Variants in LINGO2 observed in about 807,000 individuals in gnomAD.
The protein encoded by LINGO2 is leucine-rich repeat and immunoglobulin-like domain-containing nogo receptor-interacting protein 2.
LINGO2 carries 14 observed loss-of-function variants against 30.6 expected under a neutral mutation model. That is an observed-to-expected ratio of 0.46 (90% CI 0.30 to 0.72). The LOEUF (loss-of-function observed/expected upper bound fraction) is 0.72. Ranked by LOEUF, LINGO2 falls within the 30% of genes least tolerant of loss-of-function variation. The pLI, the probability that LINGO2 is intolerant of heterozygous loss-of-function variation, is 0.07. For synonymous variants in LINGO2, 317 were observed against 288.5 expected (o/e 1.10, Z -1.00); for missense variants, 729 against 751.7 (o/e 0.97, Z 0.35).
rs1307249403 is a variant in LINGO2, at chr9:28,130,218, C to A, written c.-86-117813G>T. Among the ~76,000 whole-genome samples the A allele has an allele frequency of 1.3e-5, 2 of 152,196 alleles. No individual in the cohort carries two copies. Among genetic ancestry groups the A allele is most frequent in the Non-Finnish European group, 2.9e-5 (2 of 68,018 alleles). ...AGACCCTCTAAAATAGACCTTAACA[C>A]ACTTCATCAGATTTTGAAACTTGCT... On this transcript the variant is annotated intron_variant, in intron 4 of 5. Transcript: ENST00000379992. This position sits in a 1 kb window ranked among gnomAD's most constrained non-coding sequence, Gnocchi z 5.2.
the LINGO2 span, among the ~76,000 whole-genome samples, chr9:29,043,273 G>A: frequency 6.6e-6 from 1 of 151,266 alleles, no homozygotes; most frequent in Non-Finnish European, 1.5e-5. Flanking sequence ...TGCTGACATA[G>A]GAGTTAAGAA....
At chr9:28,487,197 C>G (rs542082665) in intron 1 of LINGO2, among the ~76,000 whole-genome samples, 1 of 152,226 alleles carries the variant, frequency 6.6e-6, no homozygotes, top group African/African-American at 2.4e-5. Context: ...ATCCTCTGTA[C>G]CTTTCCAATA....
chr9:28,253,206 T>C (rs1290513663), intron 4 of LINGO2, among the ~76,000 whole-genome samples: 1 of 152,176 alleles, frequency 6.6e-6, no homozygotes, highest in African/African-American at 2.4e-5. Context: ...GAAACACATT[T>C]CTTTTATTAG....
At chr9:28,709,926 T>C in the LINGO2 span, among the ~76,000 whole-genome samples, 1 of 151,936 alleles carries the variant, frequency 6.6e-6, no homozygotes, top group Non-Finnish European at 1.5e-5. Context: ...GGTTCACATA[T>C]ATGGAAATAT....
chr9:28,216,462 T>C (rs985595003), intron 4 of LINGO2, among the ~76,000 whole-genome samples: 1 of 151,932 alleles, frequency 6.6e-6, no homozygotes, highest in East Asian at 1.9e-4. Flanking sequence ...AACTCACTTA[T>C]ATATCCATCT....
chr9:28,325,376 T>A (rs145194102), intron 3 of LINGO2, among the ~76,000 whole-genome samples: 1 of 152,120 alleles, frequency 6.6e-6, no homozygotes, highest in Non-Finnish European at 1.5e-5. Flanking sequence ...TATCTCCTAG[T>A]CTCTGTAGAA....
At chr9:29,155,486 G>T in the LINGO2 span, among the ~76,000 whole-genome samples, 1 of 150,890 alleles carries the variant, frequency 6.6e-6, no homozygotes, top group African/African-American at 2.4e-5. Flanking sequence ...AGGGATCAGA[G>T]TTTAGCAGAA....
the LINGO2 span, among the ~76,000 whole-genome samples, chr9:29,124,936 A>G: frequency 6.6e-6 from 1 of 152,192 alleles, no homozygotes; most frequent in South Asian, 2.1e-4. Flanking sequence ...ATTATAAATC[A>G]TTCTACTATA....
chr9:28,996,110 T>C, the LINGO2 span, among the ~76,000 whole-genome samples: 1 of 126,052 alleles, frequency 7.9e-6, no homozygotes, highest in African/African-American at 3.5e-5. Flanking sequence ...AAGATTTATA[T>C]ATTGCTTTAA....
At chr9:28,165,543 T>A (rs1402474661) in intron 4 of LINGO2, among the ~76,000 whole-genome samples, 3 of 152,322 alleles carry the variant, frequency 2.0e-5, no homozygotes, top group African/African-American at 7.2e-5. Context: ...CCATGCCATT[T>A]CCCATTCATT....
At chr9:28,365,045 G>A (rs747313029) in intron 3 of LINGO2, among the ~76,000 whole-genome samples, 1 of 152,178 alleles carries the variant, frequency 6.6e-6, no homozygotes, top group African/African-American at 2.4e-5. Flanking sequence ...ATCATGTTAA[G>A]TGCTATAATA....
intron 4 of LINGO2, among the ~76,000 whole-genome samples, chr9:28,063,284 AC>A (rs1383922328): frequency 6.6e-6 from 1 of 151,172 alleles, no homozygotes; most frequent in Non-Finnish European, 1.5e-5. Flanking sequence ...TTAATACCTC[AC>A]AGAGATTTTT....
At chr9:28,609,894 A>C (rs769266708) in intron 1 of LINGO2, among the ~76,000 whole-genome samples, 3 of 152,200 alleles carry the variant, frequency 2.0e-5, no homozygotes, top group Non-Finnish European at 2.9e-5. Flanking sequence ...TCTGCATAAA[A>C]TACGTGGCAC....
At chr9:28,675,905 G>GTGTATATATATATATA in the LINGO2 span, among the ~76,000 whole-genome samples, 4 of 126,070 alleles carry the variant, frequency 3.2e-5, no homozygotes, top group South Asian at 1.1e-3. Flanking sequence ...GTGTGTGTAT[G>GTGTATATATATATATA]TATATATATA....
At chr9:27,989,261 A>G (rs1316724390) in intron 5 of LINGO2, among the ~76,000 whole-genome samples, 1 of 151,908 alleles carries the variant, frequency 6.6e-6, no homozygotes, top group Admixed American at 6.6e-5. Context: ...ATTATTATTC[A>G]AAGCCTCTGT....
At chr9:28,326,147 C>T (rs1028306447) in intron 3 of LINGO2, among the ~76,000 whole-genome samples, 1 of 152,174 alleles carries the variant, frequency 6.6e-6, no homozygotes, top group Admixed American at 6.5e-5. Flanking sequence ...GCTGGAATCA[C>T]AGTCACCTGC....
chr9:28,759,354 T>C, the LINGO2 span, among the ~76,000 whole-genome samples: 1 of 152,040 alleles, frequency 6.6e-6, no homozygotes, highest in South Asian at 2.1e-4. Context: ...AGAGGGTTTC[T>C]GGGTAGATTG....
At chr9:28,243,048 G>A (rs1046720010) in intron 4 of LINGO2, among the ~76,000 whole-genome samples, 6 of 152,114 alleles carry the variant, frequency 3.9e-5, no homozygotes, top group African/African-American at 1.4e-4. Context: ...TTGACATCAT[G>A]AAGAAACAGC....
chr9:28,111,771 A>T (rs1346299764), intron 4 of LINGO2, among the ~76,000 whole-genome samples: 1 of 152,152 alleles, frequency 6.6e-6, no homozygotes. Context: ...ACCAGGAAAG[A>T]ATGCTGCAAC....
Sources: gnomAD v4.1 joint callset for allele counts (sites outside exome capture counted in the v4.1 genomes callset) on GRCh38, gnomAD v4.1.1 for gene constraint, Gnocchi (gnomAD v3.1) non-coding constraint, MANE v1.5 for transcripts, NCBI Gene and HGNC (gene_info 2026-07-23, HGNC 2026-07-21) for gene names.